SLIT3: variants seen among roughly 807,000 people sequenced by gnomAD.
The protein encoded by SLIT3 is slit guidance ligand 3.
In SLIT3, 68 loss-of-function variants were observed where a neutral mutation model predicts 184.0. The ratio of observed to expected loss-of-function variants is 0.37; its 90% CI spans 0.30 to 0.45. SLIT3 has a LOEUF of 0.45. SLIT3 is among the 20% of genes least tolerant of loss of function. The pLI, the probability that SLIT3 is intolerant of heterozygous loss-of-function variation, is 1.00. For synonymous variants in SLIT3, 831 were observed against 828.6 expected, an observed-to-expected ratio of 1.00 and a Z score of -0.05; for missense variants, 1,707 against 2,026.0, an observed-to-expected ratio of 0.84 and a Z score of 3.02.
In SLIT3 at chr5:168,878,342, G is replaced by A. The variant is rs546075841; in HGVS notation, c.485+4923C>T. Among the ~76,000 whole-genome samples the A allele has an allele frequency of 7.9e-5, 12 of 152,298 alleles. No individual in the cohort carries two copies. The South Asian group carries it at 1.7e-3, about 21-fold the overall frequency. ...CCTTCTGCTGTCTGGAGGGGCAGGC[G>A]TCCAGTCCCTTCACTGAGAGCATCA... On this transcript the variant is annotated intron_variant, in intron 5 of 35. Transcript: ENST00000519560.
intron 4 of SLIT3, among the ~76,000 whole-genome samples, chr5:169,171,027 A>C (rs1177912128): frequency 6.6e-6 from 1 of 152,226 alleles, no homozygotes; most frequent in Non-Finnish European, 1.5e-5. Flanking sequence ...AATGAGAAGC[A>C]GTCCATTAAA....
chr5:168,925,859 C>T (rs1009882223), intron 4 of SLIT3, among the ~76,000 whole-genome samples: 2 of 152,162 alleles, frequency 1.3e-5, no homozygotes, highest in African/African-American at 2.4e-5. Context: ...ACTACCAAAA[C>T]AACACATTTC....
At chr5:168,884,477 A>T (rs1038271546) in intron 4 of SLIT3, among the ~76,000 whole-genome samples, 1 of 128,580 alleles carries the variant, frequency 7.8e-6, no homozygotes, top group African/African-American at 2.9e-5. Context: ...TTTTAAAAGA[A>T]CACCCGAAAA....
At chr5:169,025,899 G>T (rs1011257125) in intron 4 of SLIT3, among the ~76,000 whole-genome samples, 1 of 152,082 alleles carries the variant, frequency 6.6e-6, no homozygotes, top group South Asian at 2.1e-4. Context: ...CCCTAGTTCC[G>T]CCTTTATACC....
At chr5:169,064,638 T>C (rs1758285897) in intron 4 of SLIT3, among the ~76,000 whole-genome samples, 1 of 152,224 alleles carries the variant, frequency 6.6e-6, no homozygotes, top group Admixed American at 6.5e-5. Context: ...TGATGAGTGT[T>C]ACGGCTTCCC....
intron 4 of SLIT3, among the ~76,000 whole-genome samples, chr5:169,040,594 T>A (rs1757415396): frequency 6.6e-6 from 1 of 152,172 alleles, no homozygotes; most frequent in African/African-American, 2.4e-5. Flanking sequence ...AGAACATGAT[T>A]GTGATTAAGC....
At chr5:168,904,604 A>C (rs1387341619) in intron 4 of SLIT3, among the ~76,000 whole-genome samples, 1 of 151,850 alleles carries the variant, frequency 6.6e-6, no homozygotes, top group Non-Finnish European at 1.5e-5. Flanking sequence ...TATAGAAAAA[A>C]CTCCCAGACT....
chr5:168,795,548 G>A lies in SLIT3; in HGVS notation c.966C>T (p.Ile322=), dbSNP rs1263641335. 1.9e-6 allele frequency: 3 copies of A among 1,613,984 alleles called. No individual in the cohort carries two copies. Among genetic ancestry groups the A allele is most frequent in the South Asian group, 1.1e-5 (1 of 91,068 alleles). Residue 322 remains isoleucine, a synonymous_variant, in exon 10 of 36, where the codon ATC becomes ATT. Transcript: ENST00000519560. ...IRLEQNSIKA[I]PAGAFTQYKK... ...TGTACTGGGTGAAGGCTCCTGCAGGGATGGCTTTGATGGAGTTCTGTTCTA... is the reference window on the plus strand; with the variant it reads ...TGTACTGGGTGAAGGCTCCTGCAGGAATGGCTTTGATGGAGTTCTGTTCTA...
intron 9 of SLIT3, among the ~76,000 whole-genome samples, chr5:168,795,888 A>G (rs1756548470): frequency 6.6e-6 from 1 of 152,136 alleles, no homozygotes; most frequent in Non-Finnish European, 1.5e-5. Context: ...AGAAAGCTGT[A>G]GAAGTAACCA....
intron 4 of SLIT3, among the ~76,000 whole-genome samples, chr5:169,115,310 G>T (rs1455020474): frequency 1.3e-5 from 2 of 152,134 alleles, no homozygotes; most frequent in Non-Finnish European, 2.9e-5. Context: ...TTGGGAAACA[G>T]GTCCATCAAG....
intron 4 of SLIT3, chr5:169,023,985 CTG>C (rs1756707769): frequency 6.6e-6 from 1 of 152,194 alleles, no homozygotes; most frequent in Admixed American, 6.5e-5. Context: ...CATATTGGGG[CTG>C]TGTCCTGACC....
At chr5:169,055,637 G>A (rs934228781) in intron 4 of SLIT3, among the ~76,000 whole-genome samples, 7 of 152,102 alleles carry the variant, frequency 4.6e-5, no homozygotes, top group East Asian at 1.9e-4. Flanking sequence ...TCAAGAGATC[G>A]AGACCATCCT....
intron 4 of SLIT3, among the ~76,000 whole-genome samples, chr5:168,948,320 T>G (rs1762551807): frequency 6.6e-6 from 1 of 152,032 alleles, no homozygotes. Context: ...GGGCTGTGGA[T>G]TTTTGGGTTC....
chr5:168,708,024 G>C lies in SLIT3; in HGVS notation c.2796C>G (p.Thr932=). ...SSPCKNNGTC[T]QDPVELYRCA... Reference sequence around the variant, plus strand: ...AGCGGTACAGCTCCACAGGGTCCTGGGTGCATGTCCCGTTATTCTTGCACG... The same window carrying C: ...AGCGGTACAGCTCCACAGGGTCCTGCGTGCATGTCCCGTTATTCTTGCACG... The change falls in exon 26 of 36, where the codon ACC becomes ACG. Residue 932 remains threonine (T), a synonymous_variant. Coordinates refer to ENST00000519560, the MANE Select transcript of SLIT3 (RefSeq NM_003062.4). 1.2e-6 allele frequency: 2 copies of C among 1,614,178 alleles called. No individual in the cohort carries two copies. The highest frequency in any genetic ancestry group is 1.7e-6 in the Non-Finnish European group (2 of 1,180,026).
At chr5:168,806,310 G>A (rs951936358) in intron 9 of SLIT3, 136 bp downstream of exon 9, 16 of 927,468 alleles carry the variant, frequency 1.7e-5, no homozygotes, top group Non-Finnish European at 2.5e-5. Context: ...TGGAAGGACA[G>A]CAAAGAGATT....
intron 4 of SLIT3, among the ~76,000 whole-genome samples, chr5:169,167,929 G>A (rs1325930714): frequency 3.9e-5 from 6 of 152,074 alleles, no homozygotes; most frequent in East Asian, 1.9e-4. Context: ...GTTTGCCCCC[G>A]TTTCCCCTTA....
At chr5:169,043,060 A>G (rs904178721) in intron 4 of SLIT3, among the ~76,000 whole-genome samples, 1 of 152,158 alleles carries the variant, frequency 6.6e-6, no homozygotes. Context: ...AATGCCTCCT[A>G]TTTATGTGAC....
intron 4 of SLIT3, among the ~76,000 whole-genome samples, chr5:169,082,513 ACT>A (rs1204380370): frequency 6.6e-6 from 1 of 152,170 alleles, no homozygotes; most frequent in East Asian, 1.9e-4. Context: ...TTGTCTATTT[ACT>A]CTCTGATTCC....
chr5:168,958,237 ACCT>A (rs1465419020), intron 4 of SLIT3, among the ~76,000 whole-genome samples: 1 of 152,136 alleles, frequency 6.6e-6, no homozygotes, highest in African/African-American at 2.4e-5. Flanking sequence ...GATTCAGAAA[ACCT>A]CCTAGTGGTG....
Sources: allele counts gnomAD v4.1 joint callset (sites outside exome capture counted in the v4.1 genomes callset), GRCh38; gene constraint gnomAD v4.1.1; transcripts MANE v1.5; gene names NCBI Gene and HGNC (gene_info 2026-07-23, HGNC 2026-07-21).